The following SPRR2G variants were observed in gnomAD, a reference collection of about 807,000 sequenced individuals.
The protein encoded by SPRR2G is small proline-rich protein 2G.
Under a neutral mutation model 0.7 loss-of-function variants are expected in SPRR2G, and 1 was observed. That is an observed-to-expected ratio of 1.49 (90% CI 0.53 to 7.06). The LOEUF (loss-of-function observed/expected upper bound fraction) is 7.06, where lower values mean the gene tolerates loss of function less well. Among genes scored for constraint, SPRR2G ranks in the 30% most tolerant of loss-of-function variants. The pLI is 0.14. For synonymous variants in SPRR2G, 38 were observed against 33.9 expected (o/e 1.12, Z -0.42); for missense variants, 96 against 88.5 (o/e 1.09, Z -0.34).
chr1:153,155,926 C>T, the SPRR2G span, among the ~76,000 whole-genome samples: 1 of 152,214 alleles, frequency 6.6e-6, no homozygotes, highest in African/African-American at 2.4e-5. Flanking sequence ...ACACTCTGAG[C>T]TTTGCATTAA....
At chr1:153,171,446 CATTT>C in the SPRR2G span, among the ~76,000 whole-genome samples, 2 of 152,212 alleles carry the variant, frequency 1.3e-5, no homozygotes, top group Admixed American at 1.3e-4. Context: ...ATCAGACTGA[CATTT>C]GAGAATTTGG....
the SPRR2G span, among the ~76,000 whole-genome samples, chr1:153,175,031 G>A: frequency 2.6e-5 from 4 of 152,204 alleles, no homozygotes; most frequent in Non-Finnish European, 5.9e-5. Context: ...CTGCTAAGAT[G>A]TTATCATGGG....
the SPRR2G span, among the ~76,000 whole-genome samples, chr1:153,196,004 C>G: frequency 3.3e-5 from 5 of 152,164 alleles, no homozygotes; most frequent in African/African-American, 1.2e-4. Flanking sequence ...TTCCTGGGGG[C>G]CAGGTGTACC....
the SPRR2G span, among the ~76,000 whole-genome samples, chr1:153,182,646 G>GT: frequency 8.0e-3 from 1,215 of 152,152 alleles, 23 homozygotes; most frequent in South Asian, 0.059. Context: ...AGGGTGTTTG[G>GT]TCTTCAGTTC....
chr1:153,185,866 C>T, the SPRR2G span, among the ~76,000 whole-genome samples: 1 of 152,038 alleles, frequency 6.6e-6, no homozygotes, highest in Non-Finnish European at 1.5e-5. Context: ...TATAAATTTC[C>T]CTCTTTATGC....
At chr1:153,161,971 G>C in the SPRR2G span, among the ~76,000 whole-genome samples, 1 of 152,070 alleles carries the variant, frequency 6.6e-6, no homozygotes, top group African/African-American at 2.4e-5. Context: ...TACCAATAGG[G>C]GGTTTTTGGT....
At chr1:153,193,467 T>G in the SPRR2G span, among the ~76,000 whole-genome samples, 11,931 of 152,226 alleles carry the variant, frequency 0.078, 500 homozygotes, top group African/African-American at 0.11. Context: ...CGCACACACA[T>G]GCACACATGA....
the SPRR2G span, among the ~76,000 whole-genome samples, chr1:153,182,469 C>T: frequency 8.6e-5 from 13 of 151,876 alleles, no homozygotes; most frequent in Admixed American, 3.3e-4. Context: ...TTTGCTGCAC[C>T]CACCAACCCA....
the SPRR2G span, among the ~76,000 whole-genome samples, chr1:153,178,304 A>G: frequency 6.6e-6 from 1 of 152,124 alleles, no homozygotes; most frequent in Non-Finnish European, 1.5e-5. Context: ...TTTCCAATCC[A>G]TGCTTGTACT....
chr1:153,179,680 T>A, the SPRR2G span, among the ~76,000 whole-genome samples: 1 of 151,958 alleles, frequency 6.6e-6, no homozygotes, highest in Non-Finnish European at 1.5e-5. Context: ...TCTTCCTAGA[T>A]CCCAAGTTCT....
chr1:153,195,992 C>T, the SPRR2G span, among the ~76,000 whole-genome samples: 1 of 152,216 alleles, frequency 6.6e-6, no homozygotes, highest in Admixed American at 6.5e-5. Context: ...ACACTCAGGA[C>T]CTTCCTGGGG....
At chr1:153,201,058 A>T in the SPRR2G span, among the ~76,000 whole-genome samples, 1 of 152,090 alleles carries the variant, frequency 6.6e-6, no homozygotes, top group Non-Finnish European at 1.5e-5. Flanking sequence ...TCTAACCCTA[A>T]TCTAGGCAAG....
chr1:153,160,711 T>TACCATTTC, the SPRR2G span, among the ~76,000 whole-genome samples: 1 of 151,966 alleles, frequency 6.6e-6, no homozygotes, highest in Admixed American at 6.5e-5. Context: ...GAACTAGAAA[T>TACCATTTC]ACCATTTCAC....
At chr1:153,196,253 A>G in the SPRR2G span, among the ~76,000 whole-genome samples, 17 of 152,342 alleles carry the variant, frequency 1.1e-4, no homozygotes, top group African/African-American at 4.1e-4. Context: ...CCACTGTTAC[A>G]GCCTTTGATT....
the SPRR2G span, among the ~76,000 whole-genome samples, chr1:153,156,068 A>G: frequency 6.6e-6 from 1 of 152,392 alleles, no homozygotes; most frequent in Non-Finnish European, 1.5e-5. Flanking sequence ...CCTGAAACAG[A>G]GTACGTGCTA....
chr1:153,180,796 G>A, the SPRR2G span, among the ~76,000 whole-genome samples: 2,459 of 152,142 alleles, frequency 0.016, 69 homozygotes, highest in African/African-American at 0.049. Flanking sequence ...ATCTTTTTTC[G>A]TGTTAGCCAT....
At chr1:153,184,907 A>C in the SPRR2G span, among the ~76,000 whole-genome samples, 1 of 152,198 alleles carries the variant, frequency 6.6e-6, no homozygotes, top group African/African-American at 2.4e-5. Context: ...GAGTGTTTTT[A>C]TCGTGAAGGG....
chr1:153,190,774 A>G, the SPRR2G span: 1 of 152,172 alleles, frequency 6.6e-6, no homozygotes, highest in East Asian at 1.9e-4. Flanking sequence ...AGACAATCAC[A>G]TTGTCTGTTT....
the SPRR2G span, among the ~76,000 whole-genome samples, chr1:153,167,277 C>T: frequency 6.6e-6 from 1 of 152,070 alleles, no homozygotes; most frequent in Non-Finnish European, 1.5e-5. Context: ...GAGTTCTCAA[C>T]CAGCCTGACC....
Sources: gnomAD v4.1 joint callset for allele counts (sites outside exome capture counted in the v4.1 genomes callset) on GRCh38, gnomAD v4.1.1 for gene constraint, MANE v1.5 for transcripts, NCBI Gene and HGNC (gene_info 2026-07-23, HGNC 2026-07-21) for gene names.